Variants in CTNNA3 observed in about 807,000 individuals in gnomAD.
CTNNA3 encodes the protein catenin alpha 3, also known as catenin alpha-3.
Under a neutral mutation model 95.7 loss-of-function variants are expected in CTNNA3, and 76 were observed. The ratio of observed to expected loss-of-function variants is 0.79; its 90% CI spans 0.66 to 0.96. The LOEUF is 0.96. Ranked by LOEUF, CTNNA3 falls within the 40% of genes least tolerant of loss-of-function variation. The pLI, the probability that CTNNA3 is intolerant of heterozygous loss-of-function variation, is 0.00. For synonymous variants in CTNNA3, 431 were observed against 374.4 expected (o/e 1.15, Z -1.74); for missense variants, 1,191 against 1,089.8 (o/e 1.09, Z -1.31).
chr10:66,158,777 G>A (rs1048538213), intron 13 of CTNNA3, among the ~76,000 whole-genome samples: 1 of 152,072 alleles, frequency 6.6e-6, no homozygotes, highest in African/African-American at 2.4e-5. Flanking sequence ...ACCCATTCAT[G>A]AGCATAGGAC....
chr10:66,285,532 C>A (rs1387356134), intron 12 of CTNNA3, among the ~76,000 whole-genome samples: 1 of 151,800 alleles, frequency 6.6e-6, no homozygotes, highest in Non-Finnish European at 1.5e-5. Context: ...TTCCTCACAT[C>A]ATTTTCTAAT....
At chr10:67,245,049 T>C (rs141771207) in intron 5 of CTNNA3, among the ~76,000 whole-genome samples, 2,003 of 152,256 alleles carry the variant, frequency 0.013, 27 homozygotes, top group Middle Eastern at 0.037. Context: ...CAACTTACCA[T>C]GTCACTGCTT....
intron 17 of CTNNA3, among the ~76,000 whole-genome samples, chr10:65,958,697 G>T (rs577775248): frequency 3.1e-4 from 47 of 152,282 alleles, no homozygotes; most frequent in Admixed American, 1.6e-3. Flanking sequence ...AGAGGAGGCT[G>T]CAGAACAGCA....
chr10:67,658,754 C>A (rs1052113296), intron 1 of CTNNA3, among the ~76,000 whole-genome samples: 8 of 152,156 alleles, frequency 5.3e-5, no homozygotes, highest in African/African-American at 1.7e-4. Context: ...GTGTGGGGAA[C>A]TCCAAGAGTC....
chr10:67,509,355 C>T (rs368161464), intron 5 of CTNNA3, among the ~76,000 whole-genome samples: 14 of 152,196 alleles, frequency 9.2e-5, no homozygotes, highest in South Asian at 6.2e-4. Flanking sequence ...CTCCACCCAC[C>T]GACAGGCCTC....
chr10:66,680,981 T>C (rs1431827940), intron 9 of CTNNA3, among the ~76,000 whole-genome samples: 1 of 152,148 alleles, frequency 6.6e-6, no homozygotes, highest in African/African-American at 2.4e-5. Flanking sequence ...GGGACTGAGA[T>C]CATATGTAGC....
In CTNNA3 at chr10:67,164,436, A is replaced by G. The variant is rs1209084703; in HGVS notation, c.1047+15881T>C. 2.0e-5 allele frequency among the ~76,000 whole-genome samples: 3 copies of G among 152,148 alleles called. No homozygotes were observed. In the East Asian group the frequency reaches 5.8e-4, roughly 29 times the overall value. On this transcript the variant is annotated intron_variant, in intron 7 of 17. Coordinates refer to ENST00000433211, the MANE Select transcript of CTNNA3 (RefSeq NM_013266.4). ...CTTTGAGAAAAGTCTCACACTTCAT[A>G]AAAAGTTAACTCAGAATGGATCATA... is the stretch of plus-strand genomic sequence containing the variant.
chr10:66,826,049 T>G (rs1339224418), intron 7 of CTNNA3, among the ~76,000 whole-genome samples: 2 of 152,062 alleles, frequency 1.3e-5, no homozygotes, highest in African/African-American at 4.8e-5. Flanking sequence ...AGGGGAGGAG[T>G]GAAAGGAACT....
intron 5 of CTNNA3, among the ~76,000 whole-genome samples, chr10:67,424,814 T>C (rs569976825): frequency 6.6e-6 from 1 of 152,184 alleles, no homozygotes; most frequent in South Asian, 2.1e-4. Flanking sequence ...TTGTCAATCT[T>C]TGTTACCCAA....
intron 7 of CTNNA3, among the ~76,000 whole-genome samples, chr10:66,975,894 T>TA (rs1356128647): frequency 1.3e-5 from 2 of 152,232 alleles, no homozygotes; most frequent in African/African-American, 4.8e-5. Context: ...AGTATATCAA[T>TA]ACCTCCTTAT....
chr10:65,966,633 TC>T lies in CTNNA3; in HGVS notation c.2378del (p.Gly793GlufsTer15). ...SQVKAEIQNL[G>X]GELIMSALDS... ...TCACAGCTGACATGATGAGCTCTCC[TC>T]CCAGGTTCTGGATCTCAGCTTTAAC... On this transcript the variant is annotated frameshift_variant, in exon 17 of 18. Coordinates refer to ENST00000433211, the MANE Select transcript of CTNNA3 (RefSeq NM_013266.4). LOFTEE classifies it high-confidence loss of function. 6.2e-7 allele frequency: 1 copy of T among 1,613,836 alleles called. No individual in the cohort carries two copies. Among genetic ancestry groups the T allele is most frequent in the Non-Finnish European group, 8.5e-7 (1 of 1,179,824 alleles).
intron 9 of CTNNA3, among the ~76,000 whole-genome samples, chr10:66,665,032 T>C (rs1846399875): frequency 6.6e-6 from 1 of 152,074 alleles, no homozygotes; most frequent in Non-Finnish European, 1.5e-5. Flanking sequence ...AAAGATTGGC[T>C]GGGCCAATGT....
At chr10:66,152,864 A>G (rs968603344) in intron 13 of CTNNA3, among the ~76,000 whole-genome samples, 2 of 151,824 alleles carry the variant, frequency 1.3e-5, no homozygotes, top group African/African-American at 4.8e-5. Flanking sequence ...TGTGTAAATA[A>G]TTTTCAGTAA....
chr10:66,812,775 G>T (rs1427833699), intron 7 of CTNNA3, among the ~76,000 whole-genome samples: 1 of 152,026 alleles, frequency 6.6e-6, no homozygotes, highest in East Asian at 1.9e-4. Flanking sequence ...ACAATGGTTT[G>T]CATGAAAAGC....
chr10:66,946,091 A>T (rs1020623274), intron 7 of CTNNA3, among the ~76,000 whole-genome samples: 1 of 152,206 alleles, frequency 6.6e-6, no homozygotes, highest in African/African-American at 2.4e-5. Flanking sequence ...AACAGAGCTC[A>T]TAGACTTGCT....
rs368341830 is a variant in CTNNA3 at position 66,389,453 on chromosome 10, G to T, written c.1532-10101C>A. 3.7e-4 allele frequency among the ~76,000 whole-genome samples: 56 copies of T among 152,218 alleles called. 1 individual carries two copies. In the South Asian group the frequency reaches 0.011, roughly 31 times the overall value. On this transcript the variant is annotated intron_variant, in intron 11 of 17. Coordinates refer to ENST00000433211, the MANE Select transcript of CTNNA3 (RefSeq NM_013266.4). Reference sequence around the variant, plus strand: ...AATGCTGAAATGCATTCATTTAAGAGCAGACAATTGGTGAATTATTAGCAA... The same window carrying T: ...AATGCTGAAATGCATTCATTTAAGATCAGACAATTGGTGAATTATTAGCAA...
At chr10:66,944,401 C>T (rs908797721) in intron 7 of CTNNA3, among the ~76,000 whole-genome samples, 1 of 152,102 alleles carries the variant, frequency 6.6e-6, no homozygotes, top group African/African-American at 2.4e-5. Context: ...TCTAGTTCCC[C>T]GCTATTTCCA....
intron 5 of CTNNA3, among the ~76,000 whole-genome samples, chr10:67,266,768 A>G (rs936732986): frequency 6.6e-6 from 1 of 152,194 alleles, no homozygotes; most frequent in Admixed American, 6.5e-5. Flanking sequence ...AGTCAAAAAC[A>G]ACATATTGCA....
Position 66,862,202 on chromosome 10 carries a change from A to G in CTNNA3, c.1048-86678T>C, listed in dbSNP as rs1489927459. ...GCACTCCAACCTGGGCAACAGAGCG[A>G]GACACTGTCTCAAAAAGAAAAAAAC... is the stretch of plus-strand genomic sequence containing the variant. On this transcript the variant is annotated intron_variant, in intron 7 of 17. Coordinates refer to ENST00000433211, the MANE Select transcript of CTNNA3 (RefSeq NM_013266.4). Among the ~76,000 whole-genome samples the G allele has an allele frequency of 2.6e-5, 4 of 152,306 alleles. No homozygotes were observed. In the East Asian group the frequency reaches 7.7e-4, roughly 29 times the overall value.
Sources: gnomAD v4.1 joint callset for allele counts (sites outside exome capture counted in the v4.1 genomes callset) on GRCh38, gnomAD v4.1.1 for gene constraint, MANE v1.5 for transcripts, NCBI Gene and HGNC (gene_info 2026-07-23, HGNC 2026-07-21) for gene names.